Variants in ALDH6A1 observed in about 807,000 individuals in gnomAD.
ALDH6A1 encodes the protein aldehyde dehydrogenase 6 family member A1, also known as methylmalonate-semialdehyde/malonate-semialdehyde dehydrogenase [acylating], mitochondrial.
ALDH6A1 carries 43 observed loss-of-function variants against 62.6 expected under a neutral mutation model. The ratio of observed to expected loss-of-function variants is 0.69; its 90% confidence interval spans 0.54 to 0.89. The LOEUF is 0.89. Ranked by LOEUF, ALDH6A1 falls within the 40% of genes least tolerant of loss-of-function variation. The pLI is 0.00. For missense variants in ALDH6A1, 551 were observed against 661.3 expected (o/e 0.83, Z 1.83); for synonymous variants, 194 against 234.2 (o/e 0.83, Z 1.57).
At position 74,057,764 on chromosome 14, in the gene ALDH6A1, A is replaced by C. The variant is rs1355972827; in HGVS notation, c.*2878T>G. 8.9e-7 allele frequency: 1 copy of C among 1,122,850 alleles called. No homozygotes were observed. The highest frequency in any genetic ancestry group is 1.1e-6 in the Non-Finnish European group (1 of 908,386). 69.6% of individuals were successfully genotyped at this position (1,122,850 alleles called of 1,614,324 possible). A position where few individuals can be genotyped will look rare whatever the true frequency, so the allele number is the denominator to read the frequency against. On this transcript the variant is annotated 3_prime_UTR_variant, in exon 12 of 12. Transcript: ENST00000553458. ...GAAGCCACATTAGAACAAAAAGAAAATACTGACTTTTTAGCCGCGATCACA... is the reference window on the plus strand; with the variant it reads ...GAAGCCACATTAGAACAAAAAGAAACTACTGACTTTTTAGCCGCGATCACA...
At chr14:74,078,107 T>C (rs1397566836) in intron 1 of ALDH6A1, 1 of 437,750 alleles carries the variant, frequency 2.3e-6, no homozygotes. Context: ...ATTTTCACTC[T>C]TTGCTATTCC....
intron 2 of ALDH6A1, 30 bp from the exon 3 acceptor site, chr14:74,072,641 A>T: frequency 6.2e-7 from 1 of 1,609,468 alleles, no homozygotes; most frequent in Non-Finnish European, 8.5e-7. Context: ...AAACAAACAA[A>T]CAAAAACATG....
intron 11 of ALDH6A1, among the ~76,000 whole-genome samples, chr14:74,061,037 G>A (rs927796981): frequency 3.3e-5 from 5 of 152,050 alleles, no homozygotes; most frequent in African/African-American, 9.7e-5. Context: ...GAGTGCAGTG[G>A]CATGATCTCA....
rs2060444299 is a variant in ALDH6A1, at chr14:74,065,354, T to C, written c.1231A>G (p.Met411Val). The part of the protein sequence containing the change: ...PTIISNVKPN[M>V]TCYKEEIFGP... ...AAAATCTCCTCTTTGTAACAGGTCA[T>C]ATTTGGCTGCCAGGAGTGATGCATC... The change falls in exon 10 of 12, where the codon ATG becomes GTG. Residue 411 changes from methionine (M) to valine (V), a missense_variant. Transcript: ENST00000553458. 1 of 1,613,910 alleles carries C rather than the reference T, an allele frequency of 6.2e-7. No individual in the cohort carries two copies. The highest frequency in any genetic ancestry group is 1.3e-5 in the African/African-American group (1 of 74,942).
intron 1 of ALDH6A1, among the ~76,000 whole-genome samples, chr14:74,079,240 G>T (rs2060645686): frequency 6.6e-6 from 1 of 151,502 alleles, no homozygotes. Flanking sequence ...ACTTTGGGAG[G>T]CTGAGGTGGG....
intron 1 of ALDH6A1, among the ~76,000 whole-genome samples, chr14:74,082,212 CCTTTATCT>C (rs2060675339): frequency 6.6e-6 from 1 of 152,032 alleles, no homozygotes; most frequent in Non-Finnish European, 1.5e-5. Context: ...CTCGAACATT[CCTTTATCT>C]CTGCATGGGA....
Position 74,072,625 on chromosome 14 carries a change from A to C in ALDH6A1, c.112-14T>G, listed in dbSNP as rs886050732. 9.3e-6 allele frequency: 15 copies of C among 1,605,886 alleles called. No individual in the cohort carries two copies. The highest frequency in any genetic ancestry group is 7.7e-5 in the South Asian group (7 of 90,642). ...CTTTACAGTTGGCTGAAAAAAACAA[A>C]CAAACAAACAAACAAACAAAAACAT... On this transcript the variant is annotated splice_polypyrimidine_tract_variant and intron_variant, in intron 2 of 11. Transcript: ENST00000553458.
intron 6 of ALDH6A1, among the ~76,000 whole-genome samples, chr14:74,069,414 T>C (rs2060518359): frequency 6.6e-6 from 1 of 152,028 alleles, no homozygotes; most frequent in African/African-American, 2.4e-5. Flanking sequence ...TGTTTTTCTG[T>C]ACTGGATTCT....
At chr14:74,075,159 G>T (rs1047524439) in intron 1 of ALDH6A1, 142 bp from the exon 2 acceptor site, 105 of 724,366 alleles carry the variant, frequency 1.4e-4, no homozygotes, top group Admixed American at 1.3e-3. Context: ...AAAGAGAAAA[G>T]ATATGAATCT....
At chr14:74,061,360 G>T (rs2060337388) in intron 11 of ALDH6A1, among the ~76,000 whole-genome samples, 1 of 151,826 alleles carries the variant, frequency 6.6e-6, no homozygotes, top group Non-Finnish European at 1.5e-5. Flanking sequence ...GGAGTGCAGT[G>T]GTGTGATCTT....
chr14:74,073,317 C>T (rs1222857221), intron 2 of ALDH6A1, among the ~76,000 whole-genome samples: 1 of 151,908 alleles, frequency 6.6e-6, no homozygotes. Flanking sequence ...TATTGCCTGG[C>T]TGGTCTCGAA....
At chr14:74,078,259 C>T (rs746239208) in intron 1 of ALDH6A1, 3 of 455,868 alleles carry the variant, frequency 6.6e-6, no homozygotes, top group African/African-American at 2.0e-5. Context: ...CAAAACTGAA[C>T]TCAACCTAAT....
chr14:74,057,273 T>C lies in ALDH6A1; in HGVS notation c.*3369A>G. 1 of 1,614,098 alleles carries C rather than the reference T, an allele frequency of 6.2e-7. No individual in the cohort carries two copies. The highest frequency in any genetic ancestry group is 1.3e-5 in the African/African-American group (1 of 75,066). On this transcript the variant is annotated 3_prime_UTR_variant, in exon 12 of 12. Transcript: ENST00000553458. ...AGTCTGACACAGTAAGGAGTCTGTATCTAATCAAACAATGTATATTGTTGT... is the reference window on the plus strand; with the variant it reads ...AGTCTGACACAGTAAGGAGTCTGTACCTAATCAAACAATGTATATTGTTGT...
rs77531446 is a variant in ALDH6A1, at chr14:74,065,724, A to T, written c.1225-364T>A. ...TTTATTTTTTATAAATCCAATCTATAGTAAATATACCAGGATAATTTTTCT... is the reference window on the plus strand; with the variant it reads ...TTTATTTTTTATAAATCCAATCTATTGTAAATATACCAGGATAATTTTTCT... On this transcript the variant is annotated intron_variant, in intron 9 of 11. Transcript: ENST00000553458. The T allele has an allele frequency of 6.6e-3, 1,696 of 258,440 alleles. 36 individuals are homozygous for T. Among genetic ancestry groups the T allele is most frequent in the African/African-American group, 0.036 (1,602 of 44,098 alleles). The allele number at this position is 258,440 out of a possible 1,614,324, so 16.0% of individuals were successfully genotyped here.
intron 6 of ALDH6A1, chr14:74,070,751 T>C (rs909053868): frequency 1.0e-4 from 19 of 183,994 alleles, no homozygotes; most frequent in Admixed American, 3.3e-4. Flanking sequence ...AATACCTACC[T>C]CAAAGGGTGA....
chr14:74,066,608 A>G (rs2060470223), intron 9 of ALDH6A1, 97 bp downstream of exon 9: 1 of 1,203,626 alleles, frequency 8.3e-7, no homozygotes, highest in Non-Finnish European at 1.2e-6. Context: ...ATAAGGTCTT[A>G]GTCATTAAGT....
intron 1 of ALDH6A1, among the ~76,000 whole-genome samples, chr14:74,080,018 A>C (rs1321983595): frequency 6.6e-6 from 1 of 152,098 alleles, no homozygotes; most frequent in Admixed American, 6.6e-5. Flanking sequence ...AGCCTGGGTG[A>C]CAGAGCGAGA....
chr14:74,082,851 T>C (rs535793118), intron 1 of ALDH6A1: 1 of 152,252 alleles, frequency 6.6e-6, no homozygotes, highest in African/African-American at 2.4e-5. Flanking sequence ...GAAATAAAAG[T>C]ACATGGAAAG....
intron 2 of ALDH6A1, among the ~76,000 whole-genome samples, chr14:74,073,745 T>C (rs1273484743): frequency 6.6e-6 from 1 of 151,658 alleles, no homozygotes; most frequent in African/African-American, 2.4e-5. Context: ...TGGTGAAACC[T>C]TGTCTCTACT....
Sources: allele counts gnomAD v4.1 joint callset (sites outside exome capture counted in the v4.1 genomes callset), GRCh38; gene constraint gnomAD v4.1.1; transcripts MANE v1.5; gene names NCBI Gene and HGNC (gene_info 2026-07-23, HGNC 2026-07-21).